Variants in STARD5 observed in about 807,000 individuals in gnomAD.
The protein encoded by STARD5 is StAR related lipid transfer domain containing 5.
In STARD5, 26 loss-of-function variants were observed where a neutral mutation model predicts 24.6. The observed-to-expected ratio is 1.06, with a 90% CI of 0.77 to 1.47. STARD5 has a LOEUF of 1.47. STARD5 is among the 40% of genes most tolerant of loss of function. The pLI, the probability that STARD5 is intolerant of heterozygous loss-of-function variation, is 0.00. For missense variants in STARD5, 254 were observed against 270.8 expected (o/e 0.94, Z 0.44); for synonymous variants, 101 against 99.7 (o/e 1.01, Z -0.07).
Position 81,322,556 on chromosome 15 carries a change from G to A in STARD5, c.150-16C>T. On this transcript the variant is annotated splice_polypyrimidine_tract_variant and intron_variant, in intron 2 of 5. Transcript: ENST00000302824. ...TCCTCGGTACCTGGAGCACGAAAAG[G>A]AATTTGACCCCAACGCATCAATCAA... is the stretch of plus-strand genomic sequence containing the variant. 1.9e-6 allele frequency: 3 copies of A among 1,613,976 alleles called. No homozygotes were observed. The South Asian group carries it at 3.3e-5, about 18-fold the overall frequency.
chr15:81,313,207 A>C lies in STARD5; in HGVS notation c.*49T>G, dbSNP rs765552577. 3 of 1,472,060 alleles carry C rather than the reference A, an allele frequency of 2.0e-6. No individual in the cohort carries two copies. In the Admixed American group the frequency reaches 7.0e-5, roughly 34 times the overall value. 91.2% of individuals were successfully genotyped at this position (1,472,060 alleles called of 1,614,324 possible). A position where few individuals can be genotyped will look rare whatever the true frequency, so the allele number is the denominator to read the frequency against. On this transcript the variant is annotated 3_prime_UTR_variant, in exon 6 of 6. Coordinates refer to ENST00000302824, the MANE Select transcript of STARD5 (RefSeq NM_181900.3). ...GGCTCCTTGGTGTCCCAACAGCTGG[A>C]GCTCCTCGATGAGTCACGGGAGTTC... is the stretch of plus-strand genomic sequence containing the variant.
chr15:81,314,025 T>A (rs574133045), intron 5 of STARD5: 1 of 152,144 alleles, frequency 6.6e-6, no homozygotes, highest in African/African-American at 2.4e-5. Flanking sequence ...TTTAAAAAAA[T>A]AGTTTTTTAA....
chr15:81,319,541 A>G, intron 3 of STARD5, 85 bp from the exon 4 acceptor site: 1 of 1,196,698 alleles, frequency 8.4e-7, no homozygotes, highest in Non-Finnish European at 1.2e-6. Flanking sequence ...GGTCTGGGAA[A>G]GGTACTAGGG....
Position 81,312,989 on chromosome 15 carries a change from C to G in STARD5, c.*267G>C, listed in dbSNP as rs998315078. On this transcript the variant is annotated 3_prime_UTR_variant, in exon 6 of 6. Coordinates refer to ENST00000302824, the MANE Select transcript of STARD5 (RefSeq NM_181900.3). ...CTGTCAGATGGTTAGAGGCCTGGGT[C>G]TACCCTGCCAGGAGAGGCGTGTTTG... The G allele has an allele frequency of 4.0e-6, 1 of 248,248 alleles. No individual in the cohort carries two copies. Among genetic ancestry groups the G allele is most frequent in the African/African-American group, 2.3e-5 (1 of 44,174 alleles). 15.4% of individuals were successfully genotyped at this position (248,248 alleles called of 1,614,324 possible).
At chr15:81,321,802 T>TA (rs1293570245) in intron 3 of STARD5, among the ~76,000 whole-genome samples, 11 of 152,304 alleles carry the variant, frequency 7.2e-5, no homozygotes, top group African/African-American at 1.9e-4. Flanking sequence ...TCTGATGATT[T>TA]AAAAAACCTT....
rs4778892 is a variant in STARD5 at position 81,312,048 on chromosome 15, T to C, written c.*1208A>G. 70,474 of 151,708 alleles carry C rather than the reference T, an allele frequency of 0.46. 17,802 individuals are homozygous for C. The highest frequency in any genetic ancestry group is 0.68 in the African/African-American group (28,184 of 41,294). 9.4% of individuals were successfully genotyped at this position (151,708 alleles called of 1,614,324 possible). A position where few individuals can be genotyped will look rare whatever the true frequency, so the allele number is the denominator to read the frequency against. On this transcript the variant is annotated 3_prime_UTR_variant, in exon 6 of 6. Coordinates refer to ENST00000302824, the MANE Select transcript of STARD5 (RefSeq NM_181900.3). Reference sequence around the variant, plus strand: ...AGGCTGAGAACACTGTGAAAACATTTTGCGCGCACAATAGTAACCTGGGTA... The same window carrying C: ...AGGCTGAGAACACTGTGAAAACATTCTGCGCGCACAATAGTAACCTGGGTA...
intron 5 of STARD5, among the ~76,000 whole-genome samples, chr15:81,315,151 G>A (rs144094495): frequency 4.6e-4 from 70 of 151,978 alleles, no homozygotes; most frequent in African/African-American, 1.7e-3. Context: ...TGCCCATCCC[G>A]CCTCTGCTAG....
At chr15:81,322,598 T>C (rs1223202233) in intron 2 of STARD5, 58 bp from the exon 3 acceptor site, 19 of 1,611,850 alleles carry the variant, frequency 1.2e-5, no homozygotes, top group Non-Finnish European at 1.6e-5. Context: ...TATCTTGAGA[T>C]TGTATCTAAG....
At chr15:81,323,736 C>A in intron 1 of STARD5, 2 of 775,914 alleles carry the variant, frequency 2.6e-6, no homozygotes, top group South Asian at 1.6e-5. Flanking sequence ...AACATCCAGT[C>A]CTAAACAGCA....
Position 81,318,988 on chromosome 15 carries a change from G to T in STARD5, c.400+351C>A, listed in dbSNP as rs76303632. Among the ~76,000 whole-genome samples, 614 of 152,082 alleles carry T rather than the reference G, an allele frequency of 4.0e-3. 4 individuals carry two copies. Among genetic ancestry groups the T allele is most frequent in the African/African-American group, 0.014 (595 of 41,474 alleles). ...CTCCTCACTGGGCATTAAGGGAGTGGACAGCATCCAAACCCTCAAGAAGAC... is the reference window on the plus strand; with the variant it reads ...CTCCTCACTGGGCATTAAGGGAGTGTACAGCATCCAAACCCTCAAGAAGAC... On this transcript the variant is annotated intron_variant, in intron 4 of 5. Transcript: ENST00000302824.
chr15:81,322,300 C>T (rs911058439), intron 3 of STARD5, 108 bp downstream of exon 3: 7 of 1,439,034 alleles, frequency 4.9e-6, no homozygotes, highest in Non-Finnish European at 5.8e-6. Flanking sequence ...TTGCAGGACA[C>T]ACCCCCTTAA....
At chr15:81,320,107 C>T (rs1901166435) in intron 3 of STARD5, among the ~76,000 whole-genome samples, 1 of 152,106 alleles carries the variant, frequency 6.6e-6, no homozygotes, top group Non-Finnish European at 1.5e-5. Flanking sequence ...CCCATTCATC[C>T]CATCCTGCAA....
Position 81,313,194 on chromosome 15 carries a change from TC to T in STARD5, c.*61del, listed in dbSNP as rs1900955631. 5.5e-6 allele frequency: 8 copies of T among 1,459,134 alleles called. No homozygotes were observed. The highest frequency in any genetic ancestry group is 9.1e-7 in the Non-Finnish European group (1 of 1,099,658). The allele number at this position is 1,459,134 out of a possible 1,614,324, so 90.4% of individuals were successfully genotyped here. A position where few individuals can be genotyped will look rare whatever the true frequency, so the allele number is the denominator to read the frequency against. ...CTGCGTGCTCCCAGGCTCCTTGGTG[TC>T]CCAACAGCTGGAGCTCCTCGATGAG... On this transcript the variant is annotated 3_prime_UTR_variant, in exon 6 of 6. Transcript: ENST00000302824.
chr15:81,314,164 G>A (rs1391501110), intron 5 of STARD5: 4 of 151,916 alleles, frequency 2.6e-5, no homozygotes, highest in African/African-American at 9.7e-5. Flanking sequence ...AAGAACAAAG[G>A]CCCTATGAAG....
intron 2 of STARD5, 143 bp from the exon 3 acceptor site, chr15:81,322,683 T>C (rs935082026): frequency 8.8e-6 from 12 of 1,368,596 alleles, no homozygotes; most frequent in Middle Eastern, 1.9e-4. Context: ...TGAAAGTCAC[T>C]AGCCCCGCCT....
intron 2 of STARD5, 78 bp downstream of exon 2, chr15:81,322,821 A>T (rs188024344): frequency 6.4e-7 from 1 of 1,574,424 alleles, no homozygotes; most frequent in East Asian, 2.2e-5. Context: ...TGATTTGAAT[A>T]TTTTAGGAGG....
Position 81,322,439 on chromosome 15 carries a change from G to C in STARD5, c.251C>G (p.Thr84Ser). The C allele has an allele frequency of 1.2e-6, 2 of 1,614,170 alleles. No individual in the cohort carries two copies. The highest frequency in any genetic ancestry group is 1.7e-6 in the Non-Finnish European group (2 of 1,180,036). The change falls in exon 3 of 6, where the codon ACC becomes AGC. Residue 84 changes from threonine to serine, a missense_variant. Physicochemically the swap from Thr to Ser is moderately conservative, Grantham distance 58 (BLOSUM62 1). Coordinates refer to ENST00000302824, the MANE Select transcript of STARD5 (RefSeq NM_181900.3). ...GATGCTTTGGATAATTTCAAAACCG[G>C]TCACATTCTCATCCCACTTCACTCG... The part of the protein sequence containing the change: ...GLRVKWDENV[T>S]GFEIIQSITD...
chr15:81,322,589 A>G (rs1265522121), intron 2 of STARD5, 49 bp from the exon 3 acceptor site: 10 of 1,613,040 alleles, frequency 6.2e-6, no homozygotes, highest in Non-Finnish European at 8.5e-6. Context: ...CAAACTTGTT[A>G]TCTTGAGATT....
intron 5 of STARD5, among the ~76,000 whole-genome samples, chr15:81,315,706 A>G (rs929415740): frequency 1.3e-5 from 2 of 151,784 alleles, no homozygotes; most frequent in Non-Finnish European, 2.9e-5. Context: ...CTCACCCCCA[A>G]TGAGTCCTCT....
Sources: allele counts gnomAD v4.1 joint callset (sites outside exome capture counted in the v4.1 genomes callset), GRCh38; gene constraint gnomAD v4.1.1; transcripts MANE v1.5; gene names NCBI Gene and HGNC (gene_info 2026-07-23, HGNC 2026-07-21).